The following TRERF1 variants were observed in gnomAD, a reference collection of about 807,000 sequenced individuals.
TRERF1 encodes the protein transcriptional-regulating factor 1.
TRERF1 carries 27 observed loss-of-function variants against 122.9 expected under a neutral mutation model. That is an observed-to-expected ratio of 0.22 (90% CI 0.16 to 0.30). The LOEUF is 0.30. TRERF1 is among the 10% of genes least tolerant of loss of function. TRERF1 has a pLI of 1.00. For missense variants in TRERF1, 1,248 were observed against 1,560.3 expected, an observed-to-expected ratio of 0.80 and a Z score of 3.37; for synonymous variants, 636 against 641.7, an observed-to-expected ratio of 0.99 and a Z score of 0.13.
intron 3 of TRERF1, among the ~76,000 whole-genome samples, chr6:42,333,127 A>T (rs186432476): frequency 2.8e-4 from 42 of 152,350 alleles, no homozygotes; most frequent in Admixed American, 2.0e-3. Context: ...GCACACATTC[A>T]TCGGTTAAGG....
chr6:42,286,110 C>G (rs1783175640), intron 4 of TRERF1, among the ~76,000 whole-genome samples: 1 of 149,964 alleles, frequency 6.7e-6, no homozygotes. Context: ...GAAACTGGAT[C>G]CCTTCCTTAC....
chr6:42,269,326 C>A lies in TRERF1; in HGVS notation c.265G>T (p.Ala89Ser). ...AGCTGGACATGGTTTCCAGGCCCTG[C>A]ATGACTTCCCCACCCTCCCTGCCTC... The change falls in exon 5 of 18, where the codon GCA (alanine) becomes TCA (serine). Residue 89 changes from alanine (A) to serine (S), a missense_variant. By Grantham distance (99) the Ala-to-Ser change is moderately conservative (BLOSUM62 1). Around this residue, in one of 5 missense-constraint regions of TRERF1, gnomAD observed 946 missense variants for 1,073.0 expected, o/e 0.88. Transcript: ENST00000372922. This position sits in a 1 kb window ranked among gnomAD's most constrained non-coding sequence, Gnocchi z 4.9. The A allele has an allele frequency of 6.2e-7, 1 of 1,614,176 alleles. No homozygotes were observed.
At chr6:42,267,440 C>A (rs1163156229) in intron 5 of TRERF1, among the ~76,000 whole-genome samples, 1 of 152,086 alleles carries the variant, frequency 6.6e-6, no homozygotes, top group African/African-American at 2.4e-5. Flanking sequence ...CCAGCCTGAC[C>A]AACATGGTGA....
rs1779642090 is a variant in TRERF1, at chr6:42,268,542, G to C, written c.1049C>G (p.Ser350Cys). The C allele has an allele frequency of 1.2e-6, 2 of 1,614,004 alleles. No homozygotes were observed. The highest frequency in any genetic ancestry group is 1.7e-6 in the Non-Finnish European group (2 of 1,180,004). Residue 350 changes from serine (S) to cysteine (C), a missense_variant, in exon 5 of 18, where the codon TCT (serine) becomes TGT (cysteine). This residue lies in a region of TRERF1 where 946 missense variants were observed against 1,073.0 expected (regional missense o/e 0.88). Transcript: ENST00000372922. The surrounding 1 kb of genome is among the most constrained non-coding windows in gnomAD (Gnocchi z 4.4). The stretch of plus-strand genomic sequence containing the variant: ...ATACTGGTGAGGGTCCCTGTGATAA[G>C]AAGGAGGCTGCAGGTGCATCTGTTG...
chr6:42,288,369 G>A (rs1783645870), intron 4 of TRERF1, among the ~76,000 whole-genome samples: 2 of 152,016 alleles, frequency 1.3e-5, no homozygotes, highest in South Asian at 4.1e-4. Flanking sequence ...AGGAGTTTGA[G>A]ACCAGCCTGG....
intron 4 of TRERF1, among the ~76,000 whole-genome samples, chr6:42,271,184 TAAAAA>T (rs761098527): frequency 9.7e-6 from 1 of 102,688 alleles, no homozygotes; most frequent in Non-Finnish European, 2.1e-5. Context: ...AAACTCCATC[TAAAAA>T]AAAAAAAAAA....
At chr6:42,387,588 T>G (rs1777018415) in intron 2 of TRERF1, among the ~76,000 whole-genome samples, 1 of 152,220 alleles carries the variant, frequency 6.6e-6, no homozygotes, top group Non-Finnish European at 1.5e-5. Context: ...TAATTTTATG[T>G]TCAAATGCAC....
chr6:42,307,745 C>T (rs934110862), intron 3 of TRERF1, among the ~76,000 whole-genome samples: 8 of 151,994 alleles, frequency 5.3e-5, no homozygotes, highest in African/African-American at 1.9e-4. Flanking sequence ...AGTAACAATT[C>T]CAATTCCCTG....
intron 4 of TRERF1, among the ~76,000 whole-genome samples, chr6:42,288,603 G>C (rs1309011930): frequency 7.0e-6 from 1 of 143,628 alleles, no homozygotes; most frequent in Admixed American, 6.8e-5. Context: ...AAAAGAGAGA[G>C]AGACGGGGTT....
chr6:42,416,179 CTTGT>C (rs1332409860), intron 2 of TRERF1, among the ~76,000 whole-genome samples: 1 of 152,024 alleles, frequency 6.6e-6, no homozygotes, highest in African/African-American at 2.4e-5. Context: ...ACTGAATTCT[CTTGT>C]TTGTCTTTTA....
At chr6:42,343,371 T>G (rs1285696737) in intron 3 of TRERF1, among the ~76,000 whole-genome samples, 1 of 152,224 alleles carries the variant, frequency 6.6e-6, no homozygotes, top group Non-Finnish European at 1.5e-5. Context: ...GAACTCATAA[T>G]GTACCTGCCG....
chr6:42,378,617 C>T (rs1775331187), intron 2 of TRERF1, among the ~76,000 whole-genome samples: 1 of 152,124 alleles, frequency 6.6e-6, no homozygotes, highest in African/African-American at 2.4e-5. Context: ...CCTTGTCTGT[C>T]AGAGGCAAAG....
chr6:42,269,428 G>C lies in TRERF1; in HGVS notation c.163C>G (p.Pro55Ala), dbSNP rs141297033. Residue 55 changes from proline (P) to alanine (A), a missense_variant, in exon 5 of 18, where the codon CCC becomes GCC. This residue lies in a region of TRERF1 where 946 missense variants were observed against 1,073.0 expected (regional missense o/e 0.88). Transcript: ENST00000372922. This position sits in a 1 kb window ranked among gnomAD's most constrained non-coding sequence, Gnocchi z 4.9. Reference sequence around the variant, plus strand: ...TCCCGTGTATCTTGAGGGAAGTGGGGGGAGATTGGCGAGGCCTGAGGGGCA... The same window carrying C: ...TCCCGTGTATCTTGAGGGAAGTGGGCGGAGATTGGCGAGGCCTGAGGGGCA... 1.9e-6 allele frequency: 3 copies of C among 1,614,220 alleles called. No individual in the cohort carries two copies. The highest frequency in any genetic ancestry group is 1.3e-5 in the African/African-American group (1 of 75,060).
At chr6:42,340,181 A>G (rs1279258095) in intron 3 of TRERF1, among the ~76,000 whole-genome samples, 3 of 152,022 alleles carry the variant, frequency 2.0e-5, no homozygotes, top group Non-Finnish European at 4.4e-5. Context: ...AATTACTCAT[A>G]TTTTCAGGGC....
At chr6:42,433,291 C>T (rs1280219052) in intron 2 of TRERF1, among the ~76,000 whole-genome samples, 1 of 151,934 alleles carries the variant, frequency 6.6e-6, no homozygotes, top group African/African-American at 2.4e-5. Context: ...GATTTAAGAG[C>T]CCAAGATACC....
chr6:42,322,634 A>T (rs890498842), intron 3 of TRERF1, among the ~76,000 whole-genome samples: 6 of 152,032 alleles, frequency 3.9e-5, no homozygotes, highest in African/African-American at 1.2e-4. Flanking sequence ...CAAGTTATAG[A>T]GGTGTGGGGA....
chr6:42,372,712 G>A (rs1375868389), intron 2 of TRERF1, among the ~76,000 whole-genome samples: 4 of 152,204 alleles, frequency 2.6e-5, no homozygotes, highest in Non-Finnish European at 5.9e-5. Flanking sequence ...GAGATGGAGA[G>A]GGATGAGAAG....
chr6:42,262,539 G>C lies in TRERF1; in HGVS notation c.1884+781C>G, dbSNP rs996079476. Among the ~76,000 whole-genome samples, 191 of 73,844 alleles carry C rather than the reference G, an allele frequency of 2.6e-3. 24 individuals are homozygous for C. Among genetic ancestry groups the C allele is most frequent in the East Asian group, 0.013 (25 of 1,884 alleles). The allele number at this position is 73,844 out of a possible 152,430, so 48.4% of individuals were successfully genotyped here. On this transcript the variant is annotated intron_variant, in intron 8 of 17. Coordinates refer to ENST00000372922, the Ensembl canonical transcript of TRERF1. The stretch of plus-strand genomic sequence containing the variant: ...AGAGAGAGAGAGAGAGAGAGAGAGA[G>C]AGAGAGAGAGAGAGAGAGAGAGAGA...
chr6:42,330,471 A>G (rs1272952862), intron 3 of TRERF1, among the ~76,000 whole-genome samples: 1 of 152,238 alleles, frequency 6.6e-6, no homozygotes, highest in Non-Finnish European at 1.5e-5. Context: ...AGTACTGACA[A>G]AGGTGTAAAG....
Sources: allele counts gnomAD v4.1 joint callset (sites outside exome capture counted in the v4.1 genomes callset), GRCh38; gene constraint gnomAD v4.1.1; regional missense constraint gnomAD v4.1.1; non-coding constraint Gnocchi (gnomAD v3.1); transcripts MANE v1.5; gene names NCBI Gene and HGNC (gene_info 2026-07-23, HGNC 2026-07-21).